CSMD1: variants seen among roughly 807,000 people sequenced by gnomAD.
The protein encoded by CSMD1 is CUB and sushi domain-containing protein 1.
In CSMD1, 213 loss-of-function variants were observed where a neutral mutation model predicts 417.5. The ratio of observed to expected loss-of-function variants is 0.51; its 90% CI spans 0.46 to 0.57. CSMD1 has a LOEUF of 0.57. Among genes scored for constraint, CSMD1 ranks in the 20% least tolerant of loss-of-function variants. CSMD1 has a pLI of 0.00. For missense variants in CSMD1, 6,923 were observed against 4,529.7 expected (o/e 1.53, Z -15.17); for synonymous variants, 2,862 against 1,736.8 (o/e 1.65, Z -16.11).
intron 22 of CSMD1, 81 bp downstream of exon 22, chr8:3,347,911 C>G (rs1447291843): frequency 2.3e-6 from 2 of 884,484 alleles, no homozygotes; most frequent in Non-Finnish European, 3.4e-6. Flanking sequence ...GTGCATATAT[C>G]TATATGTAGA....
intron 46 of CSMD1, among the ~76,000 whole-genome samples, chr8:3,101,028 C>G (rs934686006): frequency 1.3e-5 from 2 of 150,184 alleles, no homozygotes; most frequent in Non-Finnish European, 2.9e-5. Flanking sequence ...CACTGAATCT[C>G]CTTAATGTTC....
chr8:4,212,751 C>CTTTTTTTTTTTTTT lies in CSMD1; in HGVS notation c.416-180666_416-180653dup, dbSNP rs5889027. On this transcript the variant is annotated intron_variant, in intron 3 of 69. Coordinates refer to ENST00000635120, the MANE Select transcript of CSMD1 (RefSeq NM_033225.6). ...AAAAGTTTACAACAGCGGCCTTATT[C>CTTTTTTTTTTTTTT]TTTTTTTTTTTTTTTTTTTTTTTTT... 3.6e-3 allele frequency among the ~76,000 whole-genome samples: 355 copies of CTTTTTTTTTTTTTT among 99,170 alleles called. 39 individuals are homozygous for CTTTTTTTTTTTTTT. The highest frequency in any genetic ancestry group is 0.018 in the East Asian group (50 of 2,756). 65.1% of individuals were successfully genotyped at this position (99,170 alleles called of 152,430 possible). A position where few individuals can be genotyped will look rare whatever the true frequency, so the allele number is the denominator to read the frequency against.
chr8:3,145,605 A>G (rs1016879492), intron 40 of CSMD1, among the ~76,000 whole-genome samples: 1 of 152,218 alleles, frequency 6.6e-6, no homozygotes. Flanking sequence ...ATATCAAACT[A>G]CCTAATACAT....
intron 3 of CSMD1, among the ~76,000 whole-genome samples, chr8:4,122,679 G>T (rs923502564): frequency 6.6e-6 from 1 of 152,132 alleles, no homozygotes; most frequent in Non-Finnish European, 1.5e-5. Flanking sequence ...GACCCTCAGG[G>T]GCTGCAGCTG....
Position 4,387,570 on chromosome 8 carries a change from CAAAAAAAA to C in CSMD1, c.415+32375_415+32382del, listed in dbSNP as rs540419006. 2.1e-4 allele frequency among the ~76,000 whole-genome samples: 8 copies of C among 37,226 alleles called. 1 individual carries two copies. Among genetic ancestry groups the C allele is most frequent in the Admixed American group, 8.1e-4 (2 of 2,482 alleles). 24.4% of individuals were successfully genotyped at this position (37,226 alleles called of 152,430 possible). A position where few individuals can be genotyped will look rare whatever the true frequency, so the allele number is the denominator to read the frequency against. On this transcript the variant is annotated intron_variant, in intron 3 of 69. Transcript: ENST00000635120. ...GAAGAGATGCATAAATCCAAACTGG[CAAAAAAAA>C]AAAAAAAAAAAAAAGAGTTGAATGT...
At chr8:3,653,354 G>A (rs1797953130) in intron 7 of CSMD1, among the ~76,000 whole-genome samples, 1 of 152,124 alleles carries the variant, frequency 6.6e-6, no homozygotes, top group African/African-American at 2.4e-5. Flanking sequence ...TGTTGTCCGG[G>A]CTGTACTGCA....
In CSMD1 at chr8:3,118,532, G is replaced by A; in HGVS notation, c.6297C>T (p.Ile2099=). ...ATTGCCCCACGCTGTAATCCGAGTT[G>A]ATCATGTACCCATTCTGAAATGGGG... is the stretch of plus-strand genomic sequence containing the variant. ...DPPPFQNGYM[I]NSDYSVGQSV... Residue 2099 remains isoleucine, a synonymous_variant, in exon 42 of 70, where the codon ATC becomes ATT. Coordinates refer to ENST00000635120, the MANE Select transcript of CSMD1 (RefSeq NM_033225.6). 1.9e-6 allele frequency: 3 copies of A among 1,613,868 alleles called. No homozygotes were observed. Among genetic ancestry groups the A allele is most frequent in the Non-Finnish European group, 2.5e-6 (3 of 1,179,846 alleles).
chr8:4,663,812 C>G (rs1018460218), intron 1 of CSMD1, among the ~76,000 whole-genome samples: 4 of 152,152 alleles, frequency 2.6e-5, no homozygotes, highest in African/African-American at 9.7e-5. Flanking sequence ...GCCTCTGGTT[C>G]CAGGCAGAAC....
In CSMD1 at chr8:4,632,587, A is replaced by C. The variant is rs2725083; in HGVS notation, c.302+4755T>G. Reference sequence around the variant, plus strand: ...AAGACACATTCAGGGCACATTTCTTAGCCTCAGAGGATTATGTTCTATTAG... The same window carrying C: ...AAGACACATTCAGGGCACATTTCTTCGCCTCAGAGGATTATGTTCTATTAG... On this transcript the variant is annotated intron_variant, in intron 2 of 69. Transcript: ENST00000635120. Among the ~76,000 whole-genome samples, 3 of 151,964 alleles carry C rather than the reference A, an allele frequency of 2.0e-5. No homozygotes were observed. In the East Asian group the frequency reaches 5.8e-4, roughly 29 times the overall value.
chr8:3,707,530 C>T (rs1801240023), intron 7 of CSMD1, among the ~76,000 whole-genome samples: 2 of 152,200 alleles, frequency 1.3e-5, no homozygotes, highest in Admixed American at 1.3e-4. Flanking sequence ...TACAGGAAGT[C>T]AACCCACTTG....
intron 3 of CSMD1, among the ~76,000 whole-genome samples, chr8:4,364,605 A>C: frequency 1.3e-5 from 1 of 75,212 alleles, no homozygotes; most frequent in East Asian, 3.8e-4. Context: ...CGGGCGGATC[A>C]CGAGGTCAGG....
intron 37 of CSMD1, among the ~76,000 whole-genome samples, chr8:3,172,429 G>A (rs563585269): frequency 1.6e-4 from 24 of 152,202 alleles, no homozygotes; most frequent in Middle Eastern, 3.4e-3. Context: ...TCAGAACCCC[G>A]CCAATTTGCT....
chr8:3,641,518 C>A (rs78382448), intron 7 of CSMD1, among the ~76,000 whole-genome samples: 3,442 of 152,246 alleles, frequency 0.023, 66 homozygotes, highest in Non-Finnish European at 0.038. Context: ...CTTGGGCAAA[C>A]TTCATTATTT....
At chr8:3,915,265 G>C (rs184063849) in intron 5 of CSMD1, among the ~76,000 whole-genome samples, 1 of 151,892 alleles carries the variant, frequency 6.6e-6, no homozygotes, top group Non-Finnish European at 1.5e-5. Flanking sequence ...AATTATCTGG[G>C]CATGGTAGTG....
chr8:3,883,728 G>C (rs1055749639), intron 5 of CSMD1, among the ~76,000 whole-genome samples: 14 of 152,010 alleles, frequency 9.2e-5, no homozygotes, highest in African/African-American at 2.7e-4. Context: ...GCTTGAAAGT[G>C]ATTCATTGAA....
At chr8:3,982,193 TAATA>T (rs1220920375) in intron 5 of CSMD1, among the ~76,000 whole-genome samples, 1 of 115,220 alleles carries the variant, frequency 8.7e-6, no homozygotes, top group Non-Finnish European at 1.9e-5. Flanking sequence ...ATAATAATAT[TAATA>T]AAAAAAATAA....
chr8:4,068,138 C>T (rs1799353253), intron 3 of CSMD1, among the ~76,000 whole-genome samples: 1 of 152,098 alleles, frequency 6.6e-6, no homozygotes, highest in South Asian at 2.1e-4. Context: ...CAGAGCCACA[C>T]AGAAGGGTCT....
chr8:3,160,204 A>T (rs1175845606), intron 38 of CSMD1, among the ~76,000 whole-genome samples: 1 of 151,954 alleles, frequency 6.6e-6, no homozygotes, highest in African/African-American at 2.4e-5. Context: ...GCTCACTGCA[A>T]CCTCCGCCTC....
chr8:3,466,590 T>C (rs1015389224), intron 12 of CSMD1, among the ~76,000 whole-genome samples: 11 of 149,078 alleles, frequency 7.4e-5, no homozygotes, highest in Non-Finnish European at 6.0e-5. Context: ...TTTTTTTTTT[T>C]TTTTTTTTTG....
Sources: allele counts gnomAD v4.1 joint callset (sites outside exome capture counted in the v4.1 genomes callset), GRCh38; gene constraint gnomAD v4.1.1; transcripts MANE v1.5; gene names NCBI Gene and HGNC (gene_info 2026-07-23, HGNC 2026-07-21).